Variants in AP1B1 observed in about 807,000 individuals in gnomAD.
AP1B1 encodes the protein adaptor related protein complex 1 subunit beta 1.
AP1B1 carries 36 observed loss-of-function variants against 104.3 expected under a neutral mutation model. That is an observed-to-expected ratio of 0.35 (90% CI 0.26 to 0.46). The LOEUF (loss-of-function observed/expected upper bound fraction) is 0.46. Among genes scored for constraint, AP1B1 ranks in the 20% least tolerant of loss-of-function variants. The probability of loss-of-function intolerance (pLI) is 1.00; values close to 1 mark genes in which losing one functional copy is unlikely to be tolerated. For synonymous variants in AP1B1, 504 were observed against 517.5 expected (o/e 0.97, Z 0.35); for missense variants, 901 against 1,247.9 (o/e 0.72, Z 4.19).
intron 1 of AP1B1, among the ~76,000 whole-genome samples, chr22:29,370,302 A>C (rs1189289497): frequency 6.6e-6 from 1 of 152,024 alleles, no homozygotes; most frequent in East Asian, 1.9e-4. Context: ...AAATACAAAA[A>C]ATTAGCTGGG....
At chr22:29,345,955 A>T (rs2061786808) in intron 11 of AP1B1, among the ~76,000 whole-genome samples, 1 of 152,224 alleles carries the variant, frequency 6.6e-6, no homozygotes, top group Admixed American at 6.5e-5. Context: ...AAATGCTAGG[A>T]TTACAGGTGT....
At chr22:29,371,769 G>A (rs1458462061) in intron 1 of AP1B1, among the ~76,000 whole-genome samples, 2 of 152,082 alleles carry the variant, frequency 1.3e-5, no homozygotes, top group African/African-American at 2.4e-5. Flanking sequence ...AAAAGCTTAG[G>A]GTTTGGATTC....
At chr22:29,387,586 G>T (rs1014540904) in intron 1 of AP1B1, among the ~76,000 whole-genome samples, 1 of 152,178 alleles carries the variant, frequency 6.6e-6, no homozygotes, top group Non-Finnish European at 1.5e-5. Context: ...GATTACAGGC[G>T]TGAGCCACCA....
intron 17 of AP1B1, chr22:29,332,122 A>C (rs1316763515): frequency 5.6e-6 from 3 of 537,904 alleles, no homozygotes; most frequent in Admixed American, 6.7e-5. Context: ...AAAGAGCCCC[A>C]GGCCAATTGC....
chr22:29,354,696 G>A lies in AP1B1; in HGVS notation c.892C>T (p.Leu298=), dbSNP rs745386143. Residue 298 remains leucine (L), a synonymous_variant, in exon 7 of 23, where the codon CTG becomes TTG. Transcript: ENST00000357586. ...LVTLLSAEPE[L]QYVALRNINL... is the part of the protein sequence containing the mutation. ...ATGTTGCGCAGGGCCACATACTGCA[G>A]CTCTGGCTCGGCTGACAGCAGTGTG... is the stretch of plus-strand genomic sequence containing the variant. The A allele has an allele frequency of 3.1e-6, 5 of 1,614,114 alleles. No individual in the cohort carries two copies. Among genetic ancestry groups the A allele is most frequent in the Non-Finnish European group, 4.2e-6 (5 of 1,180,044 alleles).
intron 7 of AP1B1, among the ~76,000 whole-genome samples, chr22:29,354,127 C>T (rs113362675): frequency 1.2e-3 from 181 of 152,320 alleles, no homozygotes; most frequent in African/African-American, 4.1e-3. Context: ...ATGTACCTCT[C>T]CCCCAGACCT....
intron 14 of AP1B1, 79 bp from the exon 15 acceptor site, chr22:29,339,853 C>T: frequency 2.1e-6 from 3 of 1,451,698 alleles, no homozygotes; most frequent in Non-Finnish European, 2.8e-6. Context: ...GACAGAGAAA[C>T]AAGAGAGAGA....
intron 1 of AP1B1, among the ~76,000 whole-genome samples, chr22:29,383,957 G>C (rs1349459403): frequency 6.6e-6 from 1 of 152,190 alleles, no homozygotes; most frequent in Non-Finnish European, 1.5e-5. Flanking sequence ...AGGTGTAGGA[G>C]TGTAGAACCA....
intron 1 of AP1B1, 117 bp from the exon 2 acceptor site, chr22:29,367,387 T>C (rs950099528): frequency 3.4e-5 from 17 of 497,352 alleles, no homozygotes; most frequent in Non-Finnish European, 5.7e-5. Context: ...CAGCTGCTTA[T>C]CTATTTCCTG....
intron 22 of AP1B1, chr22:29,329,453 T>C (rs1231456538): frequency 7.3e-7 from 1 of 1,367,060 alleles, no homozygotes; most frequent in Admixed American, 3.4e-5. Flanking sequence ...AGGGTGCAGT[T>C]AGGAAGTGGG....
In AP1B1 at chr22:29,340,999, C is replaced by A. The variant is rs1000244921; in HGVS notation, c.1797-142G>T. On this transcript the variant is annotated intron_variant, in intron 13 of 22. Coordinates refer to ENST00000357586, the MANE Select transcript of AP1B1 (RefSeq NM_001127.4). Reference sequence around the variant, plus strand: ...CGACAGGGCTGTCCACACGGCCCCACTTCTTCCCCATTCCCATTCCCACAG... The same window carrying A: ...CGACAGGGCTGTCCACACGGCCCCAATTCTTCCCCATTCCCATTCCCACAG... 1.0e-5 allele frequency: 8 copies of A among 803,616 alleles called. No individual in the cohort carries two copies. In the Admixed American group the frequency reaches 2.3e-4, roughly 23 times the overall value. The allele number at this position is 803,616 out of a possible 1,614,324, so 49.8% of individuals were successfully genotyped here. A position where few individuals can be genotyped will look rare whatever the true frequency, so the allele number is the denominator to read the frequency against.
chr22:29,342,240 G>T, intron 12 of AP1B1, 45 bp downstream of exon 12: 1 of 1,507,828 alleles, frequency 6.6e-7, no homozygotes, highest in South Asian at 1.1e-5. Context: ...TCCCCTGCTT[G>T]AGTGAGGGCT....
In AP1B1 at chr22:29,339,117, A is replaced by C; in HGVS notation, c.2036T>G (p.Phe679Cys). The C allele has an allele frequency of 6.2e-7, 1 of 1,614,098 alleles. No individual in the cohort carries two copies. Among genetic ancestry groups the C allele is most frequent in the Non-Finnish European group, 8.5e-7 (1 of 1,180,024 alleles). Reference sequence around the variant, plus strand: ...TACTGCTGCTGTTGGAGGTGCCACGAAGTTGGTGCCCCCAATCTGGAAAGG... The same window carrying C: ...TACTGCTGCTGTTGGAGGTGCCACGCAGTTGGTGCCCCCAATCTGGAAAGG... Reference protein sequence around the residue: ...DEPEGIGGTNFVAPPTAAVPA... With the variant: ...DEPEGIGGTNCVAPPTAAVPA... Residue 679 changes from phenylalanine (F) to cysteine (C), a missense_variant, in exon 16 of 23, where the codon TTC (phenylalanine) becomes TGC (cysteine). By Grantham distance (205) the Phe-to-Cys change is radical. Around this residue, in one of 3 missense-constraint regions of AP1B1, gnomAD observed 424 missense variants for 494.0 expected, o/e 0.86. Transcript: ENST00000357586.
At chr22:29,357,688 G>GTTTTTT (rs695400) in intron 5 of AP1B1, among the ~76,000 whole-genome samples, 1 of 126,124 alleles carries the variant, frequency 7.9e-6, no homozygotes, top group African/African-American at 3.1e-5. Context: ...TCAGGCAGCT[G>GTTTTTT]TTTTTTTTTT....
At chr22:29,340,971 C>G in intron 13 of AP1B1, 114 bp from the exon 14 acceptor site, 1 of 1,083,124 alleles carries the variant, frequency 9.2e-7, no homozygotes, top group South Asian at 1.6e-5. Context: ...TCCTCACTGT[C>G]CCCGACAGGG....
chr22:29,378,973 GCT>G (rs1021154731), intron 1 of AP1B1, among the ~76,000 whole-genome samples: 1 of 152,024 alleles, frequency 6.6e-6, no homozygotes, highest in Non-Finnish European at 1.5e-5. Flanking sequence ...TCTTATATTG[GCT>G]TTGAGTCTCT....
chr22:29,372,050 C>A (rs1044131366), intron 1 of AP1B1, among the ~76,000 whole-genome samples: 1 of 152,182 alleles, frequency 6.6e-6, no homozygotes, highest in African/African-American at 2.4e-5. Context: ...ATATTTCTCA[C>A]ACCCACATTT....
At chr22:29,365,487 C>CAA (rs111447079) in intron 2 of AP1B1, among the ~76,000 whole-genome samples, 7 of 144,064 alleles carry the variant, frequency 4.9e-5, no homozygotes, top group Middle Eastern at 3.7e-3. Context: ...GACTCTGTCT[C>CAA]AAAAAAAAAC....
chr22:29,361,802 T>A (rs2062051297), intron 3 of AP1B1, among the ~76,000 whole-genome samples: 1 of 149,890 alleles, frequency 6.7e-6, no homozygotes, highest in Non-Finnish European at 1.5e-5. Context: ...CCTTGAATGT[T>A]TTTTTTTTTT....
Sources: allele counts gnomAD v4.1 joint callset (sites outside exome capture counted in the v4.1 genomes callset), GRCh38; gene constraint gnomAD v4.1.1; regional missense constraint gnomAD v4.1.1; transcripts MANE v1.5; gene names NCBI Gene and HGNC (gene_info 2026-07-23, HGNC 2026-07-21).